Variants in ANGPTL1 observed in about 807,000 individuals in gnomAD.
ANGPTL1 encodes the protein angiopoietin-related protein 1.
Under a neutral mutation model 46.7 loss-of-function variants are expected in ANGPTL1, and 36 were observed. That is an observed-to-expected ratio of 0.77 (90% CI 0.59 to 1.02). The LOEUF (loss-of-function observed/expected upper bound fraction) is 1.02. Among genes scored for constraint, ANGPTL1 ranks in the 50% least tolerant of loss-of-function variants. The probability of loss-of-function intolerance (pLI) is 0.00; values close to 1 mark genes in which losing one functional copy is unlikely to be tolerated. For synonymous variants in ANGPTL1, 221 were observed against 204.3 expected, an observed-to-expected ratio of 1.08 and a Z score of -0.69; for missense variants, 571 against 594.7, an observed-to-expected ratio of 0.96 and a Z score of 0.41.
chr1:178,856,202 GATAT>G (rs55797277), intron 3 of ANGPTL1, among the ~76,000 whole-genome samples: 12,189 of 83,386 alleles, frequency 0.15, 767 homozygotes, highest in East Asian at 0.24. Flanking sequence ...GAGAGAGAGA[GATAT>G]ATATATATAT....
rs1658317046 is a variant in ANGPTL1 at position 178,865,252 on chromosome 1, T to C, written c.525A>G (p.Leu175=). 1 of 1,614,138 alleles carries C rather than the reference T, an allele frequency of 6.2e-7. No individual in the cohort carries two copies. The highest frequency in any genetic ancestry group is 2.2e-5 in the East Asian group (1 of 44,886). The change falls in exon 3 of 6, where the codon CTA becomes CTG. Residue 175 remains leucine, a synonymous_variant. Coordinates refer to ENST00000234816, the MANE Select transcript of ANGPTL1 (RefSeq NM_004673.4). ...CAGTCAAGGAAGCGTATTTCACCTC[T>C]AGTTCCCTGTATCTTGTTGCCATCT... ...MLKMATRYRE[L]EVKYASLTDL...
In ANGPTL1 at chr1:178,856,198, GAGAGATATATATATAT is replaced by G. The variant is rs1307354151; in HGVS notation, c.824-2427_824-2412del. 4.9e-4 allele frequency among the ~76,000 whole-genome samples: 23 copies of G among 47,268 alleles called. 1 individual carries two copies. Among genetic ancestry groups the G allele is most frequent in the African/African-American group, 1.3e-3 (21 of 16,096 alleles). The allele number at this position is 47,268 out of a possible 152,430, so 31.0% of individuals were successfully genotyped here. On this transcript the variant is annotated intron_variant, in intron 3 of 5. Transcript: ENST00000234816. ...TGTTACCTGTACTTTTCCAGAGAGAGAGAGATATATATATATATATATATATATATATATATGGTTT... is the reference window on the plus strand; with the variant it reads ...TGTTACCTGTACTTTTCCAGAGAGAGATATATATATATATATATATGGTTT...
At chr1:178,858,648 A>G (rs1363069841) in intron 3 of ANGPTL1, among the ~76,000 whole-genome samples, 1 of 152,240 alleles carries the variant, frequency 6.6e-6, no homozygotes, top group Admixed American at 6.5e-5. Context: ...TAAAGTTTAC[A>G]TAGGGCTAAT....
chr1:178,850,915 A>G lies in ANGPTL1; in HGVS notation c.*214T>C, dbSNP rs115329078. The G allele has an allele frequency of 2.5e-6, 1 of 395,442 alleles. No homozygotes were observed. Among genetic ancestry groups the G allele is most frequent in the Non-Finnish European group, 4.4e-6 (1 of 226,800 alleles). The allele number at this position is 395,442 out of a possible 1,614,324, so 24.5% of individuals were successfully genotyped here. On this transcript the variant is annotated 3_prime_UTR_variant, in exon 6 of 6. Coordinates refer to ENST00000234816, the MANE Select transcript of ANGPTL1 (RefSeq NM_004673.4). ...TGTATTTAGTCAACATAATTTTTAA[A>G]ATAACTAGGTTGTGGATACACATAA...
intron 3 of ANGPTL1, among the ~76,000 whole-genome samples, chr1:178,854,844 A>G (rs76256203): frequency 0.018 from 2,799 of 152,242 alleles, 78 homozygotes; most frequent in African/African-American, 0.063. Flanking sequence ...GTGACAACAC[A>G]TTTTGTGAAA....
At chr1:178,862,000 A>G (rs941427623) in intron 3 of ANGPTL1, among the ~76,000 whole-genome samples, 1 of 151,862 alleles carries the variant, frequency 6.6e-6, no homozygotes, top group African/African-American at 2.4e-5. Flanking sequence ...AGCCTCCTGA[A>G]TAGCTAGGAT....
In ANGPTL1 at chr1:178,850,351, G is replaced by A. The variant is rs1657092864; in HGVS notation, c.*778C>T. 1.3e-5 allele frequency: 2 copies of A among 152,388 alleles called. No individual in the cohort carries two copies. The highest frequency in any genetic ancestry group is 3.8e-4 in the East Asian group (2 of 5,196). The allele number at this position is 152,388 out of a possible 1,614,324, so 9.4% of individuals were successfully genotyped here. A position where few individuals can be genotyped will look rare whatever the true frequency, so the allele number is the denominator to read the frequency against. On this transcript the variant is annotated 3_prime_UTR_variant, in exon 6 of 6. Coordinates refer to ENST00000234816, the MANE Select transcript of ANGPTL1 (RefSeq NM_004673.4). ...AGCACACTAAATATTCTGCATTTTT[G>A]TAATACCAATATTTTGCTGATTTTA...
At chr1:178,862,178 A>G (rs1340249466) in intron 3 of ANGPTL1, among the ~76,000 whole-genome samples, 4 of 152,052 alleles carry the variant, frequency 2.6e-5, no homozygotes, top group Non-Finnish European at 5.9e-5. Flanking sequence ...CGGCGAGGAT[A>G]TTAATAATGA....
intron 3 of ANGPTL1, among the ~76,000 whole-genome samples, chr1:178,859,464 C>A (rs577168667): frequency 3.7e-5 from 5 of 133,902 alleles, no homozygotes; most frequent in Non-Finnish European, 7.7e-5. Flanking sequence ...AGTGCAGTGT[C>A]ACGATCTCGG....
chr1:178,856,646 A>G (rs1474872132), intron 3 of ANGPTL1, among the ~76,000 whole-genome samples: 1 of 151,720 alleles, frequency 6.6e-6, no homozygotes, highest in Non-Finnish European at 1.5e-5. Flanking sequence ...CCTTAACACT[A>G]TACCCAACAA....
intron 3 of ANGPTL1, among the ~76,000 whole-genome samples, chr1:178,859,003 C>A (rs1285161940): frequency 6.6e-6 from 1 of 152,136 alleles, no homozygotes; most frequent in African/African-American, 2.4e-5. Flanking sequence ...CATTAACTTT[C>A]AGTTAAATAT....
chr1:178,858,120 C>T (rs955724593), intron 3 of ANGPTL1, among the ~76,000 whole-genome samples: 1 of 152,004 alleles, frequency 6.6e-6, no homozygotes, highest in Non-Finnish European at 1.5e-5. Context: ...TTAGCAGTGC[C>T]TAAAGCTATT....
intron 3 of ANGPTL1, among the ~76,000 whole-genome samples, chr1:178,856,165 G>C (rs1657524378): frequency 7.1e-6 from 1 of 141,504 alleles, no homozygotes; most frequent in African/African-American, 2.7e-5. Flanking sequence ...TTGAAATTTT[G>C]AGAACTGTGT....
chr1:178,869,679 A>G (rs1334974), intron 1 of ANGPTL1, among the ~76,000 whole-genome samples: 23,180 of 152,094 alleles, frequency 0.15, 2,059 homozygotes, highest in East Asian at 0.31. Context: ...CTTTAAGGAA[A>G]GGACACAAAA....
At chr1:178,867,681 T>C (rs574368438) in intron 2 of ANGPTL1, among the ~76,000 whole-genome samples, 1 of 152,168 alleles carries the variant, frequency 6.6e-6, no homozygotes, top group Middle Eastern at 3.4e-3. Flanking sequence ...TATTTATGGA[T>C]AATTTTTGGT....
Position 178,864,983 on chromosome 1 carries a change from T to C in ANGPTL1, c.794A>G (p.Lys265Arg), listed in dbSNP as rs1269461549. 2 of 1,468,816 alleles carry C rather than the reference T, an allele frequency of 1.4e-6. No individual in the cohort carries two copies. The highest frequency in any genetic ancestry group is 1.4e-5 in the African/African-American group (1 of 70,936). The allele number at this position is 1,468,816 out of a possible 1,614,324, so 91.0% of individuals were successfully genotyped here. Residue 265 changes from lysine (K) to arginine (R), a missense_variant, in exon 3 of 6, where the codon AAG becomes AGG. Physicochemically the swap from Lys to Arg is conservative, Grantham distance 26. Transcript: ENST00000234816. ...LATSPTKSPF[K>R]IPPVTFINEG... ...ATTGATGAAAGTTACCGGTGGTATC[T>C]TGAAAGGGCTTTTGGTGGGAGAAGT...
intron 3 of ANGPTL1, among the ~76,000 whole-genome samples, chr1:178,857,629 A>G (rs1308445874): frequency 1.3e-5 from 2 of 152,164 alleles, no homozygotes; most frequent in Admixed American, 1.3e-4. Flanking sequence ...TACAACATAT[A>G]TATATTTATC....
At chr1:178,861,982 C>A (rs1022677877) in intron 3 of ANGPTL1, among the ~76,000 whole-genome samples, 12 of 152,088 alleles carry the variant, frequency 7.9e-5, no homozygotes, top group Non-Finnish European at 1.6e-4. Context: ...AAGTGATTCT[C>A]CTGCCTCAGC....
At chr1:178,862,890 T>G (rs1464272301) in intron 3 of ANGPTL1, among the ~76,000 whole-genome samples, 1 of 152,160 alleles carries the variant, frequency 6.6e-6, no homozygotes, top group Non-Finnish European at 1.5e-5. Flanking sequence ...CTGCTGGCAA[T>G]GTAAATATAT....
Sources: gnomAD v4.1 joint callset for allele counts (sites outside exome capture counted in the v4.1 genomes callset) on GRCh38, gnomAD v4.1.1 for gene constraint, MANE v1.5 for transcripts, NCBI Gene and HGNC (gene_info 2026-07-23, HGNC 2026-07-21) for gene names.